FAM169A: variants seen among roughly 807,000 people sequenced by gnomAD.
FAM169A encodes the protein soluble lamin-associated protein of 75 kDa.
FAM169A carries 24 observed loss-of-function variants against 75.7 expected under a neutral mutation model. The ratio of observed to expected loss-of-function variants is 0.32; its 90% confidence interval spans 0.23 to 0.45. The LOEUF is 0.45. Ranked by LOEUF, FAM169A falls within the 20% of genes least tolerant of loss-of-function variation. The pLI, the probability that FAM169A is intolerant of heterozygous loss-of-function variation, is 1.00. For missense variants in FAM169A, 673 were observed against 784.0 expected, an observed-to-expected ratio of 0.86 and a Z score of 1.69; for synonymous variants, 271 against 271.0, an observed-to-expected ratio of 1.00 and a Z score of 0.00.
chr5:74,824,698 TACACACACATACACACACACAC>T (rs1418968254), intron 5 of FAM169A, among the ~76,000 whole-genome samples: 1 of 123,874 alleles, frequency 8.1e-6, no homozygotes, highest in Non-Finnish European at 1.6e-5. Context: ...ACTTTCCTGA[TACACACACATACACACACACAC>T]ACACACACAT....
At chr5:74,787,273 T>A (rs1048184977) in intron 11 of FAM169A, among the ~76,000 whole-genome samples, 4 of 152,222 alleles carry the variant, frequency 2.6e-5, no homozygotes, top group Admixed American at 2.0e-4. Context: ...CATTTAATGT[T>A]GCTGCTCAGG....
At chr5:74,822,896 C>A (rs1008301177) in intron 5 of FAM169A, among the ~76,000 whole-genome samples, 3 of 152,168 alleles carry the variant, frequency 2.0e-5, no homozygotes, top group Non-Finnish European at 4.4e-5. Context: ...AGATTCATCA[C>A]TAGTTCCTCC....
intron 6 of FAM169A, among the ~76,000 whole-genome samples, chr5:74,807,183 C>T (rs187156093): frequency 1.3e-4 from 20 of 152,288 alleles, no homozygotes; most frequent in East Asian, 9.7e-4. Flanking sequence ...AATGCATTCA[C>T]TACACCTAAC....
chr5:74,804,410 A>T, intron 8 of FAM169A, 83 bp downstream of exon 8: 1 of 560,224 alleles, frequency 1.8e-6, no homozygotes, highest in Middle Eastern at 4.4e-4. Flanking sequence ...TATGACATTT[A>T]AAACTCAAAT....
rs995968794 is a variant in FAM169A, at chr5:74,810,619, G to A, written c.670+3221C>T. ...AAAAAAATTAGCCAGGCGTGGTGGC[G>A]GGCACCTGTAGTCCCAGCTACTCGG... On this transcript the variant is annotated intron_variant, in intron 6 of 12. Coordinates refer to ENST00000687041, the MANE Select transcript of FAM169A (RefSeq NM_001376049.1). Among the ~76,000 whole-genome samples the A allele has an allele frequency of 8.6e-5, 13 of 151,340 alleles. No homozygotes were observed. In the East Asian group the frequency reaches 9.9e-4, roughly 12 times the overall value.
intron 1 of FAM169A, among the ~76,000 whole-genome samples, chr5:74,844,372 G>A (rs1156842232): frequency 6.6e-6 from 1 of 151,984 alleles, no homozygotes; most frequent in Non-Finnish European, 1.5e-5. Flanking sequence ...TGAGGTGAGA[G>A]AATTACCTGA....
At chr5:74,832,239 A>G (rs1021669027) in intron 5 of FAM169A, among the ~76,000 whole-genome samples, 1 of 152,074 alleles carries the variant, frequency 6.6e-6, no homozygotes, top group African/African-American at 2.4e-5. Context: ...ATAACAGTAG[A>G]AAAAAACAAC....
At chr5:74,807,340 T>C (rs1442835484) in intron 6 of FAM169A, among the ~76,000 whole-genome samples, 1 of 152,220 alleles carries the variant, frequency 6.6e-6, no homozygotes, top group East Asian at 1.9e-4. Context: ...TCACATACTT[T>C]ATTGAATACA....
intron 1 of FAM169A, among the ~76,000 whole-genome samples, chr5:74,850,224 AG>A (rs1400856058): frequency 1.3e-5 from 2 of 152,206 alleles, no homozygotes; most frequent in African/African-American, 4.8e-5. Flanking sequence ...CCACACTACT[AG>A]TAAGCAGCAG....
intron 7 of FAM169A, 129 bp from the exon 8 acceptor site, chr5:74,804,734 G>A (rs1250126269): frequency 5.5e-6 from 3 of 541,904 alleles, no homozygotes; most frequent in Non-Finnish European, 9.9e-6. Flanking sequence ...CTAGGTGTGA[G>A]ATGTTCTCTT....
Position 74,783,001 on chromosome 5 carries a change from T to A in FAM169A, c.1394A>T (p.Glu465Val). ...CAGTGGAACAAGATTTGTAGAGTCT[T>A]CACTGGAATTAAAAGGCTGCAATTT... Reference protein sequence around the residue: ...ELKLQPFNSSEDSTNLVPLVV... With the variant: ...ELKLQPFNSSVDSTNLVPLVV... The change falls in exon 12 of 13, where the codon GAA becomes GTA. Residue 465 changes from glutamate (E) to valine (V), a missense_variant. Around this residue, in one of 3 missense-constraint regions of FAM169A, gnomAD observed 510 missense variants for 550.9 expected, o/e 0.93. Transcript: ENST00000687041. 1 of 1,614,114 alleles carries A rather than the reference T, an allele frequency of 6.2e-7. No homozygotes were observed. The highest frequency in any genetic ancestry group is 1.3e-5 in the African/African-American group (1 of 75,054).
intron 1 of FAM169A, among the ~76,000 whole-genome samples, chr5:74,864,796 T>C (rs1443863276): frequency 1.3e-5 from 2 of 152,222 alleles, no homozygotes; most frequent in African/African-American, 2.4e-5. Flanking sequence ...TGTTTGCGCT[T>C]CAAGTGTTAG....
At chr5:74,847,749 T>C (rs1749230708) in intron 1 of FAM169A, among the ~76,000 whole-genome samples, 1 of 152,200 alleles carries the variant, frequency 6.6e-6, no homozygotes, top group Non-Finnish European at 1.5e-5. Context: ...ATCACTAAAG[T>C]GTGAAAACAG....
intron 6 of FAM169A, among the ~76,000 whole-genome samples, chr5:74,812,257 G>A (rs965342980): frequency 5.3e-5 from 8 of 151,976 alleles, no homozygotes; most frequent in South Asian, 2.1e-4. Context: ...TCAAGTAACC[G>A]GGACTACAGG....
intron 1 of FAM169A, among the ~76,000 whole-genome samples, chr5:74,847,963 T>C (rs17738565): frequency 0.085 from 12,963 of 152,184 alleles, 685 homozygotes; most frequent in East Asian, 0.17. Flanking sequence ...AACCCCTTAG[T>C]TAAATGTTGT....
At position 74,834,593 on chromosome 5, in the gene FAM169A, C is replaced by G; in HGVS notation, c.323G>C (p.Ser108Thr). The change falls in exon 5 of 13, where the codon AGC becomes ACC. Residue 108 changes from serine (S) to threonine (T), a missense_variant. Physicochemically the swap from Ser to Thr is moderately conservative, Grantham distance 58. Around this residue, in one of 3 missense-constraint regions of FAM169A, gnomAD observed 107 missense variants for 180.8 expected, o/e 0.59. Coordinates refer to ENST00000687041, the MANE Select transcript of FAM169A (RefSeq NM_001376049.1). ...VPSREGLKQVSTLGERVVLYV... is the reference protein window; with the variant it reads ...VPSREGLKQVTTLGERVVLYV... ...CAGAACCACTCTCTCCCCAAGAGTGCTCACCTACAAAGAGAGTCAAACACC... is the reference window on the plus strand; with the variant it reads ...CAGAACCACTCTCTCCCCAAGAGTGGTCACCTACAAAGAGAGTCAAACACC... The G allele has an allele frequency of 1.9e-6, 3 of 1,547,346 alleles. No individual in the cohort carries two copies. Among genetic ancestry groups the G allele is most frequent in the Non-Finnish European group, 2.6e-6 (3 of 1,151,118 alleles).
intron 1 of FAM169A, among the ~76,000 whole-genome samples, chr5:74,850,254 G>A (rs544732811): frequency 6.6e-6 from 1 of 152,278 alleles, no homozygotes; most frequent in South Asian, 2.1e-4. Context: ...TTTGAACCCG[G>A]CAGTCGGACT....
At chr5:74,846,317 T>C (rs1749153288) in intron 1 of FAM169A, among the ~76,000 whole-genome samples, 1 of 152,168 alleles carries the variant, frequency 6.6e-6, no homozygotes, top group Non-Finnish European at 1.5e-5. Flanking sequence ...AAGAATGAAA[T>C]GCAAATTTGT....
At chr5:74,822,493 G>T (rs1014244144) in intron 5 of FAM169A, among the ~76,000 whole-genome samples, 9 of 152,088 alleles carry the variant, frequency 5.9e-5, no homozygotes, top group Non-Finnish European at 7.4e-5. Context: ...ACATTTCCTT[G>T]TTAACTCTCA....
Sources: gnomAD v4.1 joint callset for allele counts (sites outside exome capture counted in the v4.1 genomes callset) on GRCh38, gnomAD v4.1.1 for gene constraint, gnomAD v4.1.1 regional missense constraint, MANE v1.5 for transcripts, NCBI Gene and HGNC (gene_info 2026-07-23, HGNC 2026-07-21) for gene names.